Variants in GUCY1A2 observed in about 807,000 individuals in gnomAD.
GUCY1A2 encodes the protein guanylate cyclase soluble subunit alpha-2.
A neutral mutation model predicts 63.5 loss-of-function variants in GUCY1A2; 27 were observed. The ratio of observed to expected loss-of-function variants is 0.43; its 90% confidence interval spans 0.31 to 0.59. The LOEUF is 0.59. Among genes scored for constraint, GUCY1A2 ranks in the 20% least tolerant of loss-of-function variants. The probability of loss-of-function intolerance (pLI) is 0.11; values close to 1 mark genes in which losing one functional copy is unlikely to be tolerated. For missense variants in GUCY1A2, 768 were observed against 913.3 expected, an observed-to-expected ratio of 0.84 and a Z score of 2.05; for synonymous variants, 364 against 343.5, an observed-to-expected ratio of 1.06 and a Z score of -0.66.
chr11:106,740,649 T>TGTATGTAG (rs1219593273), intron 6 of GUCY1A2, among the ~76,000 whole-genome samples: 1 of 5,860 alleles, frequency 1.7e-4, no homozygotes, highest in Non-Finnish European at 4.0e-4. Flanking sequence ...ACCATATCAC[T>TGTATGTAG]GTATGTATGT....
At chr11:107,012,316 A>G (rs1392272383) in intron 1 of GUCY1A2, among the ~76,000 whole-genome samples, 1 of 150,582 alleles carries the variant, frequency 6.6e-6, no homozygotes, top group Non-Finnish European at 1.5e-5. Context: ...AACTTTTCCA[A>G]TTAGGTGACT....
intron 4 of GUCY1A2, among the ~76,000 whole-genome samples, chr11:106,832,995 C>T (rs776654172): frequency 1.3e-5 from 2 of 151,964 alleles, no homozygotes; most frequent in Non-Finnish European, 2.9e-5. Flanking sequence ...AAATTTACTG[C>T]CATATGTATT....
chr11:106,721,274 C>T (rs1863312097), intron 6 of GUCY1A2, among the ~76,000 whole-genome samples: 1 of 152,048 alleles, frequency 6.6e-6, no homozygotes, highest in Admixed American at 6.6e-5. Context: ...TCCCAGGCTA[C>T]TCTCAAACTC....
In GUCY1A2 at chr11:107,014,079, CTTTTTTTTTTTTTTTTTT is replaced by C. The variant is rs71044206; in HGVS notation, c.303+3656_303+3673del. On this transcript the variant is annotated intron_variant, in intron 1 of 7. Coordinates refer to ENST00000526355, the MANE Select transcript of GUCY1A2 (RefSeq NM_000855.3). ...AACTTATAATATATGCCATGTTTTC[CTTTTTTTTTTTTTTTTTT>C]TTTTTTTTTTGAGACGGAGTCTCGC... Among the ~76,000 whole-genome samples, 19 of 70,020 alleles carry C rather than the reference CTTTTTTTTTTTTTTTTTT, an allele frequency of 2.7e-4. No individual in the cohort carries two copies. In the Admixed American group the frequency reaches 3.5e-3, roughly 13 times the overall value. 45.9% of individuals were successfully genotyped at this position (70,020 alleles called of 152,430 possible).
intron 4 of GUCY1A2, among the ~76,000 whole-genome samples, chr11:106,915,232 A>G (rs965821319): frequency 6.6e-6 from 1 of 152,172 alleles, no homozygotes; most frequent in Non-Finnish European, 1.5e-5. Context: ...CTGACTTGAT[A>G]GACAACTTTA....
chr11:106,774,667 T>C (rs947893994), intron 6 of GUCY1A2, among the ~76,000 whole-genome samples: 3 of 152,174 alleles, frequency 2.0e-5, no homozygotes, highest in African/African-American at 7.2e-5. Flanking sequence ...TGAATATATA[T>C]TACATCTTTC....
intron 1 of GUCY1A2, among the ~76,000 whole-genome samples, chr11:107,002,158 G>A (rs528932395): frequency 2.0e-4 from 30 of 152,038 alleles, no homozygotes; most frequent in Non-Finnish European, 3.1e-4. Flanking sequence ...AGAGAGCCAA[G>A]AAGCTACATT....
chr11:107,004,197 A>G (rs148348608), intron 1 of GUCY1A2, among the ~76,000 whole-genome samples: 5 of 152,296 alleles, frequency 3.3e-5, no homozygotes, highest in Non-Finnish European at 7.3e-5. Context: ...CGTCCACCAC[A>G]TTCACCAAAG....
chr11:106,735,208 T>C (rs1481137301), intron 6 of GUCY1A2, among the ~76,000 whole-genome samples: 1 of 152,114 alleles, frequency 6.6e-6, no homozygotes, highest in Non-Finnish European at 1.5e-5. Context: ...AGTCACCCTG[T>C]TGTGCTATCA....
chr11:106,748,763 T>C (rs1455737719), intron 6 of GUCY1A2, among the ~76,000 whole-genome samples: 1 of 150,898 alleles, frequency 6.6e-6, no homozygotes, highest in African/African-American at 2.4e-5. Context: ...CTTAGGTAAA[T>C]TAATTATCTT....
chr11:106,778,584 C>T (rs1489699292), intron 5 of GUCY1A2, among the ~76,000 whole-genome samples: 1 of 151,954 alleles, frequency 6.6e-6, no homozygotes, highest in African/African-American at 2.4e-5. Context: ...TGGTGTGAAC[C>T]TGGGAGGCGG....
chr11:106,926,351 T>C (rs746442839), intron 4 of GUCY1A2, among the ~76,000 whole-genome samples: 2 of 151,702 alleles, frequency 1.3e-5, no homozygotes, highest in Non-Finnish European at 2.9e-5. Flanking sequence ...GGCACGAGAA[T>C]TGCTTGAACC....
At chr11:106,970,668 C>T (rs770438739) in intron 3 of GUCY1A2, among the ~76,000 whole-genome samples, 1 of 152,156 alleles carries the variant, frequency 6.6e-6, no homozygotes, top group African/African-American at 2.4e-5. Context: ...TTGTAAGACA[C>T]TTTGACAGTT....
At chr11:106,775,569 A>AT (rs1330017372) in intron 6 of GUCY1A2, among the ~76,000 whole-genome samples, 1 of 151,444 alleles carries the variant, frequency 6.6e-6, no homozygotes, top group Admixed American at 6.6e-5. Flanking sequence ...TTTTAAAAAT[A>AT]TTTTTTAATA....
At chr11:106,710,858 T>C (rs935125675) in intron 6 of GUCY1A2, among the ~76,000 whole-genome samples, 1 of 151,844 alleles carries the variant, frequency 6.6e-6, no homozygotes, top group African/African-American at 2.4e-5. Context: ...AGTAGCCAAA[T>C]ATCACCCCTT....
intron 4 of GUCY1A2, among the ~76,000 whole-genome samples, chr11:106,821,415 A>G (rs1011961849): frequency 2.6e-5 from 4 of 152,184 alleles, no homozygotes; most frequent in Admixed American, 1.3e-4. Context: ...CATTAAAGGC[A>G]CAGAACTAAA....
rs965654112 is a variant in GUCY1A2, at chr11:106,760,997, T to C, written c.1836+15442A>G. On this transcript the variant is annotated intron_variant, in intron 6 of 7. Coordinates refer to ENST00000526355, the MANE Select transcript of GUCY1A2 (RefSeq NM_000855.3). ...AGATAATTGGACCTTCTGCCACAGA[T>C]TTGTGCAATTTTCCACCTCTTTCAT... 3.3e-5 allele frequency among the ~76,000 whole-genome samples: 5 copies of C among 152,144 alleles called. No homozygotes were observed. The East Asian group carries it at 9.6e-4, about 29-fold the overall frequency.
chr11:106,961,759 C>A (rs80110327), intron 3 of GUCY1A2, among the ~76,000 whole-genome samples: 1,535 of 152,278 alleles, frequency 0.01, 15 homozygotes, highest in Non-Finnish European at 0.018. Flanking sequence ...AGAAGAATGT[C>A]AAAGGTCTAC....
intron 4 of GUCY1A2, 40 bp from the exon 5 acceptor site, chr11:106,810,518 A>G (rs753357480): frequency 2.0e-6 from 3 of 1,500,872 alleles, no homozygotes; most frequent in South Asian, 2.7e-5. Flanking sequence ...TACTCTTCAC[A>G]TAGTAGGTTC....
Sources: gnomAD v4.1 joint callset for allele counts (sites outside exome capture counted in the v4.1 genomes callset) on GRCh38, gnomAD v4.1.1 for gene constraint, MANE v1.5 for transcripts, NCBI Gene and HGNC (gene_info 2026-07-23, HGNC 2026-07-21) for gene names.